PRKG1: variants seen among roughly 807,000 people sequenced by gnomAD.
PRKG1 encodes protein kinase cGMP-dependent 1.
Under a neutral mutation model 88.1 loss-of-function variants are expected in PRKG1, and 35 were observed. The ratio of observed to expected loss-of-function variants is 0.40; its 90% CI spans 0.30 to 0.53. The LOEUF (loss-of-function observed/expected upper bound fraction) is 0.53. PRKG1 is among the 20% of genes least tolerant of loss of function. The pLI is 0.59. For synonymous variants in PRKG1, 303 were observed against 292.5 expected, an observed-to-expected ratio of 1.04 and a Z score of -0.37; for missense variants, 540 against 839.8, an observed-to-expected ratio of 0.64 and a Z score of 4.41.
At chr10:51,048,140 C>T (rs933682317) in intron 1 of PRKG1, among the ~76,000 whole-genome samples, 1 of 152,168 alleles carries the variant, frequency 6.6e-6, no homozygotes, top group African/African-American at 2.4e-5. Context: ...AAACCTCATT[C>T]TTTCCCATTA....
chr10:51,123,667 T>G (rs1845322070), intron 1 of PRKG1, among the ~76,000 whole-genome samples: 1 of 145,076 alleles, frequency 6.9e-6, no homozygotes, highest in Non-Finnish European at 1.5e-5. Flanking sequence ...CACTCTATCC[T>G]GGGCAACAGA....
chr10:51,287,105 T>C (rs1230443402), intron 2 of PRKG1, among the ~76,000 whole-genome samples: 2 of 152,166 alleles, frequency 1.3e-5, no homozygotes, highest in Non-Finnish European at 2.9e-5. Context: ...TTGAACTCCT[T>C]GTCTCAAGTG....
chr10:52,166,809 GTATATA>G (rs1329775053), intron 9 of PRKG1, among the ~76,000 whole-genome samples: 7 of 70,194 alleles, frequency 1.0e-4, no homozygotes, highest in Non-Finnish European at 1.4e-4. Context: ...ATATATATAT[GTATATA>G]TATGTATATA....
intron 1 of PRKG1, among the ~76,000 whole-genome samples, chr10:51,040,270 G>GTGTT (rs1843402920): frequency 7.2e-6 from 1 of 138,430 alleles, no homozygotes; most frequent in Admixed American, 7.3e-5. Context: ...GTGTGTGTGT[G>GTGTT]TGACCTCTTT....
In PRKG1 at chr10:51,713,041, C is replaced by A. The variant is rs1011153090; in HGVS notation, c.593-91544C>A. On this transcript the variant is annotated intron_variant, in intron 3 of 17. Transcript: ENST00000373980. ...GGTAACTAATTTTCCCAGGGTTATA[C>A]AGCAAGTAAAAGCCAGAGCTGGAAT... Among the ~76,000 whole-genome samples, 13 of 151,884 alleles carry A rather than the reference C, an allele frequency of 8.6e-5. No individual in the cohort carries two copies. In the South Asian group the frequency reaches 1.0e-3, roughly 12 times the overall value.
intron 3 of PRKG1, among the ~76,000 whole-genome samples, chr10:51,523,784 A>G (rs1841800208): frequency 6.6e-6 from 1 of 152,200 alleles, no homozygotes; most frequent in Non-Finnish European, 1.5e-5. Context: ...TGGAAAATAA[A>G]CACACATAAC....
intron 13 of PRKG1, among the ~76,000 whole-genome samples, chr10:52,281,503 T>A (rs1842002282): frequency 6.6e-6 from 1 of 152,156 alleles, no homozygotes; most frequent in African/African-American, 2.4e-5. Flanking sequence ...CAGCATGTGG[T>A]TTTTAGAGAA....
At chr10:51,420,025 A>G (rs1452844425) in intron 2 of PRKG1, among the ~76,000 whole-genome samples, 1 of 152,144 alleles carries the variant, frequency 6.6e-6, no homozygotes, top group Non-Finnish European at 1.5e-5. Flanking sequence ...CTCCTCTTCC[A>G]TTCTGGGATG....
At chr10:52,171,550 C>T (rs576086074) in intron 9 of PRKG1, among the ~76,000 whole-genome samples, 4 of 152,042 alleles carry the variant, frequency 2.6e-5, no homozygotes, top group African/African-American at 9.7e-5. Flanking sequence ...CTTTCAAGAG[C>T]TGTTTTTGTT....
intron 5 of PRKG1, among the ~76,000 whole-genome samples, chr10:51,939,576 T>C (rs1187255136): frequency 6.7e-6 from 1 of 148,668 alleles, no homozygotes. Flanking sequence ...TCTTTCTTGA[T>C]GAGTTTATAA....
At chr10:51,698,682 G>C (rs750664294) in intron 3 of PRKG1, 1 of 1,614,092 alleles carries the variant, frequency 6.2e-7, no homozygotes, top group African/African-American at 1.3e-5. Flanking sequence ...GGCATTCCAA[G>C]TTGGGGCTGC....
intron 4 of PRKG1, among the ~76,000 whole-genome samples, chr10:51,891,006 A>G (rs1841706033): frequency 1.3e-5 from 2 of 152,156 alleles, no homozygotes; most frequent in African/African-American, 4.8e-5. Context: ...TCATTCCTGT[A>G]ATCCCAGCAT....
intron 3 of PRKG1, among the ~76,000 whole-genome samples, chr10:51,786,973 G>A (rs533316376): frequency 7.9e-5 from 12 of 152,042 alleles, no homozygotes; most frequent in Non-Finnish European, 5.9e-5. Flanking sequence ...CCAGGTTTAC[G>A]ATTTAGAAAA....
chr10:51,302,586 A>T (rs1342507408), intron 2 of PRKG1: 3 of 147,782 alleles, frequency 2.0e-5, no homozygotes, highest in Non-Finnish European at 4.5e-5. Context: ...GCAGATATTT[A>T]TAACTGCTAC....
rs964452727 is a variant in PRKG1, at chr10:51,878,573, C to T, written c.699-28934C>T. Among the ~76,000 whole-genome samples the T allele has an allele frequency of 3.3e-5, 5 of 152,170 alleles. 1 individual carries two copies. The highest frequency in any genetic ancestry group is 5.9e-5 in the Non-Finnish European group (4 of 68,034). On this transcript the variant is annotated intron_variant, in intron 4 of 17. Coordinates refer to ENST00000373980, the MANE Select transcript of PRKG1 (RefSeq NM_006258.4). ...TATAAGAAAGGACCCTATCCTTATACCATAGGTCTATGTAATCATCTTTCT... is the reference window on the plus strand; with the variant it reads ...TATAAGAAAGGACCCTATCCTTATATCATAGGTCTATGTAATCATCTTTCT...
chr10:51,880,608 T>C (rs1841412916), intron 4 of PRKG1, among the ~76,000 whole-genome samples: 1 of 152,244 alleles, frequency 6.6e-6, no homozygotes, highest in African/African-American at 2.4e-5. Flanking sequence ...AGTCCTGTAT[T>C]GGTTTTGGCT....
At chr10:51,024,290 G>C (rs1417804161) in intron 1 of PRKG1, among the ~76,000 whole-genome samples, 1 of 152,092 alleles carries the variant, frequency 6.6e-6, no homozygotes, top group African/African-American at 2.4e-5. Context: ...CCAAATCATA[G>C]CCAATGATGG....
At chr10:51,610,252 G>A (rs897439172) in intron 3 of PRKG1, among the ~76,000 whole-genome samples, 17 of 151,926 alleles carry the variant, frequency 1.1e-4, no homozygotes, top group Non-Finnish European at 2.5e-4. Context: ...CTGTGTATTT[G>A]TACCCATTAA....
At chr10:51,311,250 T>C (rs1411924153) in intron 2 of PRKG1, among the ~76,000 whole-genome samples, 2 of 152,164 alleles carry the variant, frequency 1.3e-5, no homozygotes. Flanking sequence ...TGCCTTGGTT[T>C]GTGATTATTT....
Sources: allele counts gnomAD v4.1 joint callset (sites outside exome capture counted in the v4.1 genomes callset), GRCh38; gene constraint gnomAD v4.1.1; transcripts MANE v1.5; gene names NCBI Gene and HGNC (gene_info 2026-07-23, HGNC 2026-07-21).